B9D1: variants seen among roughly 807,000 people sequenced by gnomAD.
B9D1 encodes the protein B9 domain containing 1.
A neutral mutation model predicts 26.1 loss-of-function variants in B9D1; 20 were observed. The observed-to-expected ratio is 0.77, with a 90% confidence interval of 0.54 to 1.12. B9D1 has a LOEUF of 1.12. Ranked by LOEUF, B9D1 falls within the 50% of genes most tolerant of loss-of-function variation. The pLI, the probability that B9D1 is intolerant of heterozygous loss-of-function variation, is 0.00. For synonymous variants in B9D1, 105 were observed against 103.1 expected (o/e 1.02, Z -0.11); for missense variants, 260 against 273.7 (o/e 0.95, Z 0.35).
downstream of B9D1, chr17:19,335,729 A>G (rs576556273): frequency 4.6e-5 from 16 of 351,460 alleles, no homozygotes; most frequent in Non-Finnish European, 7.6e-5. Flanking sequence ...GGAGATGAAG[A>G]AAAAAGTCAT....
In B9D1 at chr17:19,362,585, GC is replaced by G. The variant is rs770522138; in HGVS notation, c.-17del. The stretch of plus-strand genomic sequence containing the variant: ...CGGTCGCCATGGCAGGTCTGGGGGT[GC>G]CGGGGGGACCCACCTAGGCCGCGCG... On this transcript the variant is annotated 5_prime_UTR_variant, in exon 1 of 7. Transcript: ENST00000261499. 99 of 1,587,064 alleles carry G rather than the reference GC, an allele frequency of 6.2e-5. No individual in the cohort carries two copies. The highest frequency in any genetic ancestry group is 1.6e-5 in the Non-Finnish European group (19 of 1,166,810).
intron 1 of B9D1, among the ~76,000 whole-genome samples, chr17:19,374,843 GAAGTA>G (rs1912036564): frequency 6.6e-6 from 1 of 152,164 alleles, no homozygotes; most frequent in South Asian, 2.1e-4. Context: ...CTGAGAAATG[GAAGTA>G]AATATCTGTA....
intron 3 of B9D1, among the ~76,000 whole-genome samples, chr17:19,355,539 A>AT (rs1910215830): frequency 6.6e-6 from 1 of 150,906 alleles, no homozygotes; most frequent in East Asian, 2.0e-4. Flanking sequence ...AAAAAAAAAA[A>AT]AAAAAATCGG....
chr17:19,347,892 C>T lies in B9D1; in HGVS notation c.245-12G>A, dbSNP rs762878521. 1.2e-6 allele frequency: 2 copies of T among 1,613,044 alleles called. No homozygotes were observed. Among genetic ancestry groups the T allele is most frequent in the African/African-American group, 1.3e-5 (1 of 74,890 alleles). On this transcript the variant is annotated splice_polypyrimidine_tract_variant and intron_variant, in intron 3 of 6. Coordinates refer to ENST00000261499, the MANE Select transcript of B9D1 (RefSeq NM_015681.6). This position sits in a 1 kb window ranked among gnomAD's most constrained non-coding sequence, Gnocchi z 4.3. The stretch of plus-strand genomic sequence containing the variant: ...CACGATCTGTGGCCCTTGGGAAGGA[C>T]AAGGCAGGGGGTGGGCACATGAGGA...
At chr17:19,361,603 A>C (rs923777623) in intron 1 of B9D1, among the ~76,000 whole-genome samples, 2 of 152,164 alleles carry the variant, frequency 1.3e-5, no homozygotes, top group Non-Finnish European at 2.9e-5. Context: ...GGTCTTAGGC[A>C]CTAGGCTAAG....
At chr17:19,342,374 C>G (rs1908068266), downstream of B9D1, among the ~76,000 whole-genome samples, 1 of 152,120 alleles carries the variant, frequency 6.6e-6, no homozygotes, top group African/African-American at 2.4e-5. Flanking sequence ...GCCATGACGA[C>G]AGTCCAGGGC....
chr17:19,349,191 C>T (rs1029248198), intron 3 of B9D1, among the ~76,000 whole-genome samples: 1 of 152,110 alleles, frequency 6.6e-6, no homozygotes, highest in South Asian at 2.1e-4. Context: ...AAATTTGAGC[C>T]GTCCTAGTGA....
intron 1 of B9D1, among the ~76,000 whole-genome samples, chr17:19,362,282 A>ATTAGT (rs1911194739): frequency 6.6e-6 from 1 of 152,212 alleles, no homozygotes; most frequent in Admixed American, 6.5e-5. Context: ...TGACCTCGGT[A>ATTAGT]CTAGCTCAAC....
At chr17:19,360,541 G>A (rs982979623) in intron 1 of B9D1, among the ~76,000 whole-genome samples, 153 bp from the exon 2 acceptor site, 1 of 152,212 alleles carries the variant, frequency 6.6e-6, no homozygotes, top group African/African-American at 2.4e-5. Context: ...AGAGGCTGAG[G>A]ACCAAGAAGC....
downstream of B9D1, chr17:19,341,014 C>T (rs1040760987): frequency 1.6e-6 from 1 of 631,896 alleles, no homozygotes; most frequent in Non-Finnish European, 2.2e-6. Context: ...AAGTACGGAA[C>T]AGGAAATTGG....
chr17:19,362,746 G>A (rs1181984156), upstream of B9D1: 5 of 1,333,874 alleles, frequency 3.7e-6, no homozygotes, highest in Admixed American at 2.2e-5. Context: ...AACGGGCGCC[G>A]TTATAAGGGG....
chr17:19,352,280 G>A (rs1909710049), intron 3 of B9D1, among the ~76,000 whole-genome samples: 1 of 151,998 alleles, frequency 6.6e-6, no homozygotes, highest in South Asian at 2.1e-4. Context: ...TCTGTTTAAT[G>A]AATTAATTTC....
At chr17:19,377,712 T>G (rs556868201) in intron 1 of B9D1, 21 of 368,124 alleles carry the variant, frequency 5.7e-5, no homozygotes, top group Non-Finnish European at 7.5e-5. Context: ...GATTTTGGGG[T>G]GGGTCGGGAC....
intron 2 of B9D1, among the ~76,000 whole-genome samples, chr17:19,358,193 C>A (rs1237092038): frequency 6.6e-6 from 1 of 152,184 alleles, no homozygotes; most frequent in African/African-American, 2.4e-5. Context: ...GGCACTAGAT[C>A]TGGTCCCAAG....
intron 3 of B9D1, chr17:19,357,596 C>A: frequency 1.8e-6 from 1 of 552,952 alleles, no homozygotes; most frequent in Non-Finnish European, 3.3e-6. Flanking sequence ...GCCACTAGCC[C>A]TGATGCACTC....
downstream of B9D1, among the ~76,000 whole-genome samples, chr17:19,338,805 C>T (rs1028697615): frequency 1.3e-5 from 2 of 152,230 alleles, no homozygotes; most frequent in African/African-American, 4.8e-5. Context: ...TTGGTCAGCT[C>T]AGTGGAATAG....
rs1384073073 is a variant in B9D1, at chr17:19,370,961, G to T, written c.-298+6898C>A. Among the ~76,000 whole-genome samples the T allele has an allele frequency of 6.6e-6, 1 of 152,222 alleles. No homozygotes were observed. Among genetic ancestry groups the T allele is most frequent in the East Asian group, 1.9e-4 (1 of 5,200 alleles). On this transcript the variant is annotated intron_variant, in intron 1 of 5. Coordinates refer to the B9D1 transcript ENST00000477478. This position sits in a 1 kb window ranked among gnomAD's most constrained non-coding sequence, Gnocchi z 5.1. ...GGTCAACCACAACAAAGCCCAGCCTGCCCATCAAGCCCCACTGCTTTCCAC... is the reference window on the plus strand; with the variant it reads ...GGTCAACCACAACAAAGCCCAGCCTTCCCATCAAGCCCCACTGCTTTCCAC...
intron 5 of B9D1, chr17:19,344,373 C>T (rs1310526010): frequency 4.5e-6 from 1 of 223,912 alleles, no homozygotes; most frequent in Non-Finnish European, 9.2e-6. Flanking sequence ...GGACATGTCA[C>T]TTCCCATCTT....
intron 1 of B9D1, among the ~76,000 whole-genome samples, chr17:19,375,810 G>A (rs1912072333): frequency 6.6e-6 from 1 of 152,196 alleles, no homozygotes; most frequent in South Asian, 2.1e-4. Context: ...TGGTGAATTT[G>A]TAAAATGGTG....
Sources: gnomAD v4.1 joint callset for allele counts (sites outside exome capture counted in the v4.1 genomes callset) on GRCh38, gnomAD v4.1.1 for gene constraint, Gnocchi (gnomAD v3.1) non-coding constraint, MANE v1.5 for transcripts, NCBI Gene and HGNC (gene_info 2026-07-23, HGNC 2026-07-21) for gene names.